Variants in DAPK1 observed in about 807,000 individuals in gnomAD.
DAPK1 encodes the protein death-associated protein kinase 1.
Under a neutral mutation model 144.9 loss-of-function variants are expected in DAPK1, and 56 were observed. That is an observed-to-expected ratio of 0.39 (90% CI 0.31 to 0.48). DAPK1 has a LOEUF of 0.48. Ranked by LOEUF, DAPK1 falls within the 20% of genes least tolerant of loss-of-function variation. The probability of loss-of-function intolerance (pLI) is 0.95; values close to 1 mark genes in which losing one functional copy is unlikely to be tolerated. For synonymous variants in DAPK1, 690 were observed against 749.0 expected (o/e 0.92, Z 1.29); for missense variants, 1,454 against 1,875.4 (o/e 0.78, Z 4.15).
At chr9:87,584,386 C>T (rs1411878748) in intron 2 of DAPK1, among the ~76,000 whole-genome samples, 1 of 152,160 alleles carries the variant, frequency 6.6e-6, no homozygotes, top group Non-Finnish European at 1.5e-5. Context: ...CATATCTTGG[C>T]TGTTGTGAAT....
chr9:87,575,635 T>C (rs1232673189), intron 2 of DAPK1, among the ~76,000 whole-genome samples: 1 of 152,210 alleles, frequency 6.6e-6, no homozygotes, highest in African/African-American at 2.4e-5. Flanking sequence ...GAGAATCAAA[T>C]AGATTTTGAG....
intron 2 of DAPK1, among the ~76,000 whole-genome samples, chr9:87,507,465 A>G (rs1824648123): frequency 1.3e-5 from 2 of 152,282 alleles, no homozygotes; most frequent in South Asian, 4.1e-4. Context: ...TCAGCCTCCC[A>G]AAGTGTTGGG....
intron 2 of DAPK1, chr9:87,506,845 A>T (rs187940106): frequency 2.0e-5 from 3 of 152,340 alleles, no homozygotes; most frequent in Admixed American, 2.0e-4. Context: ...GGTGGAAGAA[A>T]AAAGAAGTTG....
At chr9:87,596,912 G>A (rs1051881157) in intron 2 of DAPK1, among the ~76,000 whole-genome samples, 1 of 147,140 alleles carries the variant, frequency 6.8e-6, no homozygotes. Context: ...GGTCTCTCAG[G>A]TGGTCGCATT....
At chr9:87,652,712 T>C (rs1830494726) in intron 17 of DAPK1, among the ~76,000 whole-genome samples, 1 of 145,144 alleles carries the variant, frequency 6.9e-6, no homozygotes, top group Non-Finnish European at 1.5e-5. Flanking sequence ...TCCCAGGTCC[T>C]GATTCTGTGT....
intron 2 of DAPK1, among the ~76,000 whole-genome samples, chr9:87,532,942 G>A (rs1263616129): frequency 6.6e-6 from 1 of 152,140 alleles, no homozygotes; most frequent in Non-Finnish European, 1.5e-5. Context: ...AGTTACAGAT[G>A]TTAGTACATT....
intron 2 of DAPK1, among the ~76,000 whole-genome samples, chr9:87,545,146 G>C (rs1826196419): frequency 6.6e-6 from 1 of 152,244 alleles, no homozygotes; most frequent in Non-Finnish European, 1.5e-5. Flanking sequence ...AGCAGAGGCT[G>C]TCAGACCAGC....
intron 11 of DAPK1, among the ~76,000 whole-genome samples, chr9:87,644,290 C>G (rs765029066): frequency 1.3e-5 from 2 of 152,116 alleles, no homozygotes; most frequent in Non-Finnish European, 2.9e-5. Context: ...TTCAACAAGA[C>G]TTTCCCCTGA....
intron 2 of DAPK1, among the ~76,000 whole-genome samples, chr9:87,526,478 A>G (rs1023170988): frequency 3.3e-5 from 5 of 152,192 alleles, no homozygotes; most frequent in African/African-American, 1.2e-4. Flanking sequence ...GTCTACGTTA[A>G]TAGTTCATCT....
chr9:87,610,356 A>G (rs1488872755), intron 3 of DAPK1, among the ~76,000 whole-genome samples: 2 of 152,274 alleles, frequency 1.3e-5, no homozygotes, highest in Non-Finnish European at 2.9e-5. Context: ...TCACCCACAC[A>G]TCATCACACG....
At chr9:87,520,765 A>G (rs1825266981) in intron 2 of DAPK1, among the ~76,000 whole-genome samples, 1 of 152,238 alleles carries the variant, frequency 6.6e-6, no homozygotes, top group Non-Finnish European at 1.5e-5. Flanking sequence ...GTGTGTATAC[A>G]TACATACCTG....
chr9:87,517,848 A>G (rs1424464894), intron 2 of DAPK1, among the ~76,000 whole-genome samples: 2 of 152,122 alleles, frequency 1.3e-5, no homozygotes, highest in African/African-American at 4.8e-5. Context: ...ACTTATTACC[A>G]TGTTAGCTTG....
intron 3 of DAPK1, among the ~76,000 whole-genome samples, chr9:87,630,446 A>C (rs1250788284): frequency 6.6e-6 from 1 of 152,172 alleles, no homozygotes. Flanking sequence ...GCAGTGACTC[A>C]GGGATCTACA....
intron 2 of DAPK1, among the ~76,000 whole-genome samples, chr9:87,552,157 G>A (rs571734239): frequency 5.3e-5 from 8 of 152,170 alleles, no homozygotes; most frequent in African/African-American, 1.9e-4. Flanking sequence ...GCTTCCAGGA[G>A]CCAGTAGGGA....
In DAPK1 at chr9:87,591,032, ACTT is replaced by A. The variant is rs1450186933; in HGVS notation, c.63-13918_63-13916del. On this transcript the variant is annotated intron_variant, in intron 2 of 25. Transcript: ENST00000408954. Reference sequence around the variant, plus strand: ...TACAAATTACTTGATGACTATGAAAACTTCTTATTTACAAAATATTTAGGTTAT... The same window carrying A: ...TACAAATTACTTGATGACTATGAAAACTTATTTACAAAATATTTAGGTTAT... Among the ~76,000 whole-genome samples the A allele has an allele frequency of 2.6e-5, 4 of 152,310 alleles. No homozygotes were observed. The East Asian group carries it at 5.8e-4, about 22-fold the overall frequency.
intron 2 of DAPK1, among the ~76,000 whole-genome samples, chr9:87,523,158 G>C (rs115609561): frequency 0.02 from 3,111 of 152,186 alleles, 115 homozygotes; most frequent in African/African-American, 0.071. Flanking sequence ...ATTCACATTG[G>C]TTGTGCAGCC....
intron 2 of DAPK1, among the ~76,000 whole-genome samples, chr9:87,549,221 G>C (rs1826380776): frequency 1.3e-5 from 2 of 152,220 alleles, no homozygotes; most frequent in Admixed American, 1.3e-4. Context: ...TTAGTTTGCT[G>C]AGGATAATGG....
intron 2 of DAPK1, among the ~76,000 whole-genome samples, chr9:87,595,583 T>G (rs1258236412): frequency 6.6e-6 from 1 of 152,236 alleles, no homozygotes; most frequent in Non-Finnish European, 1.5e-5. Flanking sequence ...TTTGGTTTCC[T>G]TGTCCCCACG....
Position 87,707,484 on chromosome 9 carries a change from G to A in DAPK1, c.*120G>A, listed in dbSNP as rs1340598594. ...TTCCTGCACCCACAGCCAGGGGGATGCCACTCCTCCCTCCGGCTTGACCTG... is the reference window on the plus strand; with the variant it reads ...TTCCTGCACCCACAGCCAGGGGGATACCACTCCTCCCTCCGGCTTGACCTG... On this transcript the variant is annotated 3_prime_UTR_variant, in exon 26 of 26. Transcript: ENST00000408954. The surrounding 1 kb of genome is among the most constrained non-coding windows in gnomAD (Gnocchi z 4.0). The A allele has an allele frequency of 1.1e-5, 7 of 664,564 alleles. No individual in the cohort carries two copies. The East Asian group carries it at 1.9e-4, about 18-fold the overall frequency. 41.2% of individuals were successfully genotyped at this position (664,564 alleles called of 1,614,324 possible). A position where few individuals can be genotyped will look rare whatever the true frequency, so the allele number is the denominator to read the frequency against.
Sources: allele counts gnomAD v4.1 joint callset (sites outside exome capture counted in the v4.1 genomes callset), GRCh38; gene constraint gnomAD v4.1.1; non-coding constraint Gnocchi (gnomAD v3.1); transcripts MANE v1.5; gene names NCBI Gene and HGNC (gene_info 2026-07-23, HGNC 2026-07-21).